The following DNMBP variants were observed in gnomAD, a reference collection of about 807,000 sequenced individuals.
DNMBP encodes the protein dynamin binding protein, also known as dynamin-binding protein.
A neutral mutation model predicts 150.0 loss-of-function variants in DNMBP; 87 were observed. That is an observed-to-expected ratio of 0.58 (90% CI 0.49 to 0.69). DNMBP has a LOEUF of 0.69. DNMBP is among the 30% of genes least tolerant of loss of function. The pLI is 0.00. For synonymous variants in DNMBP, 711 were observed against 750.4 expected, an observed-to-expected ratio of 0.95 and a Z score of 0.86; for missense variants, 1,774 against 1,949.0, an observed-to-expected ratio of 0.91 and a Z score of 1.69.
At chr10:99,990,507 C>T (rs1259514149) in intron 1 of DNMBP, among the ~76,000 whole-genome samples, 2 of 150,284 alleles carry the variant, frequency 1.3e-5, no homozygotes, top group African/African-American at 4.9e-5. Flanking sequence ...AGCTGAGATA[C>T]ACCACTGCAC....
intron 4 of DNMBP, among the ~76,000 whole-genome samples, chr10:99,911,728 CAT>C (rs1410196531): frequency 2.0e-5 from 3 of 152,058 alleles, no homozygotes; most frequent in South Asian, 2.1e-4. Context: ...AAACTTAAGA[CAT>C]AACAGAAAAA....
intron 12 of DNMBP, among the ~76,000 whole-genome samples, chr10:99,886,978 TATG>T (rs2039477089): frequency 6.6e-6 from 1 of 152,246 alleles, no homozygotes. Context: ...TAACATTTAT[TATG>T]TGTACATGTC....
chr10:99,956,752 T>C lies in DNMBP; in HGVS notation c.722A>G (p.Glu241Gly). ...GEEEIGPDED[E>G]EEPGTYGVAL... ...GACCCCATAGGTCCCTGGCTCCTCC[T>C]CATCCTCATCCGGCCCTATCTCTTC... The change falls in exon 4 of 17, where the codon GAG (glutamate) becomes GGG (glycine). Residue 241 changes from glutamate to glycine, a missense_variant. Physicochemically the swap from Glu to Gly is moderately conservative, Grantham distance 98. Coordinates refer to ENST00000324109, the MANE Select transcript of DNMBP (RefSeq NM_015221.4). 6.2e-7 allele frequency: 1 copy of C among 1,613,974 alleles called. No individual in the cohort carries two copies. The highest frequency in any genetic ancestry group is 8.5e-7 in the Non-Finnish European group (1 of 1,179,934).
chr10:99,998,579 CA>C lies in DNMBP; in HGVS notation c.-11+11258del, dbSNP rs71009799. Among the ~76,000 whole-genome samples, 148 of 93,224 alleles carry C rather than the reference CA, an allele frequency of 1.6e-3. No individual in the cohort carries two copies. The Middle Eastern group carries it at 0.017, about 11-fold the overall frequency. The allele number at this position is 93,224 out of a possible 152,430, so 61.2% of individuals were successfully genotyped here. On this transcript the variant is annotated intron_variant, in intron 1 of 16. Transcript: ENST00000324109. ...TGGGTGACAGAGTGAGACTCCGTCTCAAAAAAAAAAAAAAAAAAAGAAACAC... is the reference window on the plus strand; with the variant it reads ...TGGGTGACAGAGTGAGACTCCGTCTCAAAAAAAAAAAAAAAAAAGAAACAC...
At position 99,880,828 on chromosome 10, in the gene DNMBP, G is replaced by A. The variant is rs190951973; in HGVS notation, c.3998-467C>T. Reference sequence around the variant, plus strand: ...TTAAGAACCAGCCTCGGCAGCGCACGGGAGCTCACGCCTGTAATCCTAGCT... The same window carrying A: ...TTAAGAACCAGCCTCGGCAGCGCACAGGAGCTCACGCCTGTAATCCTAGCT... On this transcript the variant is annotated intron_variant, in intron 15 of 16. Coordinates refer to ENST00000324109, the MANE Select transcript of DNMBP (RefSeq NM_015221.4). 3.9e-5 allele frequency among the ~76,000 whole-genome samples: 6 copies of A among 152,306 alleles called. No individual in the cohort carries two copies. In the East Asian group the frequency reaches 5.8e-4, roughly 15 times the overall value.
In DNMBP at chr10:99,877,053, G is replaced by A; in HGVS notation, c.*98C>T. The A allele has an allele frequency of 3.7e-6, 4 of 1,081,968 alleles. No homozygotes were observed. In the East Asian group the frequency reaches 7.3e-5, roughly 20 times the overall value. The allele number at this position is 1,081,968 out of a possible 1,614,324, so 67.0% of individuals were successfully genotyped here. On this transcript the variant is annotated 3_prime_UTR_variant, in exon 17 of 17. Transcript: ENST00000324109. ...GCCATGGTTAAGCAACGCAGACAGG[G>A]CCTGTGTCTCAGGAGCAGGCGCCCT...
chr10:99,929,278 C>T (rs962837252), intron 4 of DNMBP, among the ~76,000 whole-genome samples: 3 of 149,670 alleles, frequency 2.0e-5, no homozygotes, highest in African/African-American at 7.3e-5. Flanking sequence ...AATAAACTTG[C>T]TGCCTCGACA....
intron 11 of DNMBP, among the ~76,000 whole-genome samples, chr10:99,893,352 C>T (rs2039602093): frequency 6.6e-6 from 1 of 151,994 alleles, no homozygotes; most frequent in Non-Finnish European, 1.5e-5. Flanking sequence ...TAATCTTTTC[C>T]AACTACAAGC....
intron 2 of DNMBP, among the ~76,000 whole-genome samples, chr10:99,969,555 G>A (rs991172576): frequency 4.6e-5 from 7 of 152,162 alleles, no homozygotes; most frequent in African/African-American, 1.7e-4. Context: ...GTCGAATTCA[G>A]ACATAAATAA....
At chr10:99,977,545 G>A (rs1306529033) in intron 1 of DNMBP, among the ~76,000 whole-genome samples, 2 of 152,160 alleles carry the variant, frequency 1.3e-5, no homozygotes, top group Non-Finnish European at 2.9e-5. Flanking sequence ...GCTGGTGAAC[G>A]CCTATCTTTC....
chr10:99,938,319 G>A (rs530766880), intron 4 of DNMBP, among the ~76,000 whole-genome samples: 57 of 152,184 alleles, frequency 3.7e-4, no homozygotes, highest in African/African-American at 1.2e-3. Context: ...CAAGGTGGGC[G>A]GATCACTTGA....
At chr10:99,930,501 C>T (rs1350334214) in intron 4 of DNMBP, 5 of 702,882 alleles carry the variant, frequency 7.1e-6, no homozygotes, top group Admixed American at 6.0e-5. Context: ...ACAGCCCTTT[C>T]CACTTTCATG....
At chr10:99,898,484 T>A (rs7904812) in intron 8 of DNMBP, 199 bp from the exon 9 acceptor site, 237,202 of 681,692 alleles carry the variant, frequency 0.35, 42,957 homozygotes, top group Non-Finnish European at 0.38. Flanking sequence ...CATGTATTCA[T>A]CTAATAAACA....
At chr10:99,962,997 T>C (rs1036223123) in intron 3 of DNMBP, among the ~76,000 whole-genome samples, 1 of 152,012 alleles carries the variant, frequency 6.6e-6, no homozygotes, top group Non-Finnish European at 1.5e-5. Context: ...TTGAAAAACA[T>C]ACACAATTTA....
intron 3 of DNMBP, 61 bp downstream of exon 3, chr10:99,969,054 C>T (rs2040648748): frequency 6.3e-7 from 1 of 1,598,180 alleles, no homozygotes; most frequent in South Asian, 1.1e-5. Context: ...ATCTGGTTGT[C>T]GAAACGGGCA....
At chr10:99,939,428 T>C (rs1057061268) in intron 4 of DNMBP, among the ~76,000 whole-genome samples, 1 of 152,228 alleles carries the variant, frequency 6.6e-6, no homozygotes, top group African/African-American at 2.4e-5. Flanking sequence ...GTAAAACCTC[T>C]TTGCAAAAAT....
intron 11 of DNMBP, among the ~76,000 whole-genome samples, chr10:99,892,032 C>T (rs575041112): frequency 2.2e-5 from 3 of 139,012 alleles, no homozygotes; most frequent in Non-Finnish European, 3.1e-5. Flanking sequence ...CCGCCCCGTC[C>T]GGGAGGGAGG....
At chr10:100,000,159 G>A (rs983556970) in intron 1 of DNMBP, among the ~76,000 whole-genome samples, 2 of 152,106 alleles carry the variant, frequency 1.3e-5, no homozygotes, top group South Asian at 2.1e-4. Flanking sequence ...AATACTTACC[G>A]TTCAGAATAC....
chr10:99,963,889 T>C (rs537240103), intron 3 of DNMBP, among the ~76,000 whole-genome samples: 18 of 152,146 alleles, frequency 1.2e-4, no homozygotes, highest in African/African-American at 4.1e-4. Context: ...ATACGAGCCA[T>C]GTCAGAACTT....
Sources: allele counts gnomAD v4.1 joint callset (sites outside exome capture counted in the v4.1 genomes callset), GRCh38; gene constraint gnomAD v4.1.1; transcripts MANE v1.5; gene names NCBI Gene and HGNC (gene_info 2026-07-23, HGNC 2026-07-21).